Variants in PRKCB observed in about 807,000 individuals in gnomAD.
The protein encoded by PRKCB is protein kinase C beta type.
PRKCB carries 13 observed loss-of-function variants against 81.5 expected under a neutral mutation model. The observed-to-expected ratio is 0.16, with a 90% confidence interval of 0.10 to 0.25. The LOEUF (loss-of-function observed/expected upper bound fraction) is 0.25, where lower values mean the gene tolerates loss of function less well. PRKCB is among the 10% of genes least tolerant of loss of function. The pLI, the probability that PRKCB is intolerant of heterozygous loss-of-function variation, is 1.00. For synonymous variants in PRKCB, 335 were observed against 321.4 expected (o/e 1.04, Z -0.45); for missense variants, 509 against 875.7 (o/e 0.58, Z 5.29).
intron 5 of PRKCB, among the ~76,000 whole-genome samples, chr16:24,059,178 C>T (rs577069825): frequency 2.6e-5 from 4 of 152,170 alleles, no homozygotes; most frequent in East Asian, 1.9e-4. Flanking sequence ...TCCAGAGATC[C>T]GATTGGAAAA....
At chr16:24,131,351 G>A (rs929335928) in intron 9 of PRKCB, among the ~76,000 whole-genome samples, 5 of 152,206 alleles carry the variant, frequency 3.3e-5, no homozygotes, top group Admixed American at 2.6e-4. Context: ...CTGAACCAAT[G>A]ACATTAAATG....
At chr16:23,837,963 A>G (rs751284226) in intron 2 of PRKCB, among the ~76,000 whole-genome samples, 3 of 152,268 alleles carry the variant, frequency 2.0e-5, no homozygotes, top group Non-Finnish European at 2.9e-5. Flanking sequence ...AAATCACCCT[A>G]TCTTCTGGGT....
chr16:23,983,525 A>G (rs554364224), intron 2 of PRKCB, among the ~76,000 whole-genome samples: 17 of 152,302 alleles, frequency 1.1e-4, no homozygotes, highest in African/African-American at 4.1e-4. Context: ...AGCTACATCT[A>G]CCATGAAGTT....
At chr16:24,010,635 G>T (rs1596510094) in intron 3 of PRKCB, among the ~76,000 whole-genome samples, 1 of 152,182 alleles carries the variant, frequency 6.6e-6, no homozygotes, top group Non-Finnish European at 1.5e-5. Flanking sequence ...CCTTAGTTAG[G>T]AGTCAGTGGC....
In PRKCB at chr16:24,142,977, A is replaced by G. The variant is rs555782203; in HGVS notation, c.1066-11707A>G. Among the ~76,000 whole-genome samples, 23 of 152,214 alleles carry G rather than the reference A, an allele frequency of 1.5e-4. No individual in the cohort carries two copies. The South Asian group carries it at 4.6e-3, about 30-fold the overall frequency. ...GGGTCGTGTGGTCCCCCGGAGGCCTACAGTATATACACATGAGCTGTAACT... is the reference window on the plus strand; with the variant it reads ...GGGTCGTGTGGTCCCCCGGAGGCCTGCAGTATATACACATGAGCTGTAACT... On this transcript the variant is annotated intron_variant, in intron 9 of 16. Transcript: ENST00000643927.
intron 7 of PRKCB, among the ~76,000 whole-genome samples, chr16:24,096,419 C>T (rs974135313): frequency 1.2e-4 from 18 of 151,892 alleles, no homozygotes; most frequent in Non-Finnish European, 2.4e-4. Flanking sequence ...CTCCCTGTTA[C>T]AATTTCTGCA....
At chr16:24,048,494 CT>C (rs35642171) in intron 5 of PRKCB, among the ~76,000 whole-genome samples, 31,339 of 144,714 alleles carry the variant, frequency 0.22, 3,304 homozygotes, top group East Asian at 0.31. Context: ...TCTTTTCTTT[CT>C]TTTTTTTTTT....
chr16:24,067,928 C>A (rs1311097783), intron 5 of PRKCB, among the ~76,000 whole-genome samples: 1 of 136,410 alleles, frequency 7.3e-6, no homozygotes, highest in Admixed American at 8.0e-5. Context: ...GGTGACAGAG[C>A]GAGACTCCGT....
chr16:24,172,086 A>G (rs1596581240), intron 10 of PRKCB, 184 bp from the exon 11 acceptor site: 2 of 590,224 alleles, frequency 3.4e-6, no homozygotes, highest in South Asian at 2.0e-5. Context: ...TGTATCACCT[A>G]TGCTCACTTG....
intron 1 of PRKCB, 76 bp from the exon 2 acceptor site, chr16:23,837,299 G>T: frequency 6.4e-7 from 1 of 1,568,080 alleles, no homozygotes; most frequent in South Asian, 1.1e-5. Flanking sequence ...GGAGGAAGGC[G>T]GGTGACTCTG....
chr16:24,079,834 G>C (rs56250409), intron 5 of PRKCB, among the ~76,000 whole-genome samples: 27 of 152,306 alleles, frequency 1.8e-4, no homozygotes, highest in Non-Finnish European at 3.4e-4. Flanking sequence ...TATGCCTCTA[G>C]AGTTTTACCC....
At chr16:23,890,010 A>C (rs1019730930) in intron 2 of PRKCB, among the ~76,000 whole-genome samples, 7 of 152,214 alleles carry the variant, frequency 4.6e-5, no homozygotes, top group African/African-American at 1.4e-4. Flanking sequence ...AAAAGGACTT[A>C]TTCACTTATC....
chr16:24,012,200 C>T (rs1418439110), intron 3 of PRKCB, among the ~76,000 whole-genome samples: 1 of 152,204 alleles, frequency 6.6e-6, no homozygotes, highest in African/African-American at 2.4e-5. Flanking sequence ...ATAATTATAG[C>T]TGACATGTAT....
At chr16:24,071,847 G>C (rs1444925155) in intron 5 of PRKCB, among the ~76,000 whole-genome samples, 2 of 152,102 alleles carry the variant, frequency 1.3e-5, no homozygotes, top group Non-Finnish European at 2.9e-5. Flanking sequence ...GCGTTGAGTT[G>C]CAGTAACCAT....
chr16:24,151,749 G>A, intron 9 of PRKCB: 2 of 453,672 alleles, frequency 4.4e-6, no homozygotes, highest in South Asian at 1.6e-5. Flanking sequence ...GCCACTGAAG[G>A]GCTTTCAGCA....
At chr16:23,873,975 C>T (rs1488437252) in intron 2 of PRKCB, among the ~76,000 whole-genome samples, 6 of 152,040 alleles carry the variant, frequency 3.9e-5, no homozygotes, top group Admixed American at 1.3e-4. Flanking sequence ...GGTCACTTCC[C>T]GATCTTATAT....
chr16:24,202,059 GAAAAAT>G (rs2080294144), intron 16 of PRKCB, among the ~76,000 whole-genome samples: 1 of 151,100 alleles, frequency 6.6e-6, no homozygotes, highest in African/African-American at 2.4e-5. Context: ...AAGAAAAAAA[GAAAAAT>G]AAAGCCACTG....
At chr16:24,114,380 T>C (rs1380790757) in intron 8 of PRKCB, among the ~76,000 whole-genome samples, 2 of 151,946 alleles carry the variant, frequency 1.3e-5, no homozygotes, top group Middle Eastern at 3.4e-3. Context: ...TGATGCTATA[T>C]AGTTAACGAA....
At chr16:24,189,340 G>A (rs1478069669) in intron 15 of PRKCB, among the ~76,000 whole-genome samples, 1 of 152,112 alleles carries the variant, frequency 6.6e-6, no homozygotes, top group Admixed American at 6.6e-5. Flanking sequence ...GCTCATGCAT[G>A]TAAATAAAGA....
Sources: gnomAD v4.1 joint callset for allele counts (sites outside exome capture counted in the v4.1 genomes callset) on GRCh38, gnomAD v4.1.1 for gene constraint, MANE v1.5 for transcripts, NCBI Gene and HGNC (gene_info 2026-07-23, HGNC 2026-07-21) for gene names.